Variants in GARNL3 observed in about 807,000 individuals in gnomAD.
GARNL3 encodes GTPase activating Rap/RanGAP domain like 3.
A neutral mutation model predicts 125.0 loss-of-function variants in GARNL3; 63 were observed. The observed-to-expected ratio is 0.50, with a 90% CI of 0.41 to 0.62. The LOEUF (loss-of-function observed/expected upper bound fraction) is 0.62, where lower values mean the gene tolerates loss of function less well. GARNL3 is among the 20% of genes least tolerant of loss of function. GARNL3 has a pLI of 0.00. For synonymous variants in GARNL3, 439 were observed against 457.5 expected (o/e 0.96, Z 0.52); for missense variants, 994 against 1,244.0 (o/e 0.80, Z 3.02).
At chr9:127,368,396 T>C (rs1052265887) in intron 22 of GARNL3, among the ~76,000 whole-genome samples, 1 of 149,936 alleles carries the variant, frequency 6.7e-6, no homozygotes, top group African/African-American at 2.4e-5. Flanking sequence ...AGTGGCACAA[T>C]CTCGGCTCAC....
chr9:127,360,491 C>T (rs1830934896), intron 21 of GARNL3, among the ~76,000 whole-genome samples: 1 of 152,136 alleles, frequency 6.6e-6, no homozygotes, highest in Non-Finnish European at 1.5e-5. Flanking sequence ...ACTCATCTTT[C>T]AAGGAGGGTA....
At chr9:127,227,690 G>A (rs191057287) in intron 1 of GARNL3, among the ~76,000 whole-genome samples, 3 of 152,222 alleles carry the variant, frequency 2.0e-5, no homozygotes, top group South Asian at 2.1e-4. Context: ...GCTGAGGCAC[G>A]GGGACCGCTT....
chr9:127,233,619 G>C (rs1434884213), intron 1 of GARNL3, among the ~76,000 whole-genome samples: 1 of 152,172 alleles, frequency 6.6e-6, no homozygotes, highest in Non-Finnish European at 1.5e-5. Context: ...TAGCCATTGT[G>C]GGTGCAGAGC....
At chr9:127,311,563 C>A in intron 2 of GARNL3, 73 bp from the exon 3 acceptor site, 1 of 1,014,368 alleles carries the variant, frequency 9.9e-7, no homozygotes, top group Non-Finnish European at 1.6e-6. Context: ...GTTCTTTGGC[C>A]GCTGGTTCAT....
At chr9:127,369,659 G>A (rs1368057628) in intron 22 of GARNL3, among the ~76,000 whole-genome samples, 1 of 152,222 alleles carries the variant, frequency 6.6e-6, no homozygotes, top group Non-Finnish European at 1.5e-5. Context: ...CTGGAAAGCA[G>A]GGGGAGCACT....
chr9:127,393,168 GCAGA>G lies in GARNL3; in HGVS notation c.2961_2964del (p.Asp987GlufsTer23), dbSNP rs757456405. ...AGCCAGCTCTGACCAGGACCCTGTG[GCAGA>G]CAGAGAGGGCAGCCCGGTCTCCGGC... On this transcript the variant is annotated frameshift_variant, in exon 28 of 28. Coordinates refer to ENST00000373387, the MANE Select transcript of GARNL3 (RefSeq NM_032293.5). LOFTEE classifies it high-confidence loss of function. 8 of 1,614,006 alleles carry G rather than the reference GCAGA, an allele frequency of 5.0e-6. No individual in the cohort carries two copies. Among genetic ancestry groups the G allele is most frequent in the Non-Finnish European group, 6.8e-6 (8 of 1,179,820 alleles).
intron 27 of GARNL3, 147 bp downstream of exon 27, chr9:127,390,914 C>T (rs1832787640): frequency 6.6e-6 from 5 of 757,912 alleles, no homozygotes; most frequent in South Asian, 3.6e-5. Flanking sequence ...CTCTGAGGGT[C>T]CCCAGACCCT....
intron 11 of GARNL3, among the ~76,000 whole-genome samples, chr9:127,337,031 G>A (rs1173322096): frequency 6.6e-6 from 1 of 152,230 alleles, no homozygotes; most frequent in African/African-American, 2.4e-5. Context: ...ATGGCATCTG[G>A]AGACTTGGAC....
intron 17 of GARNL3, 116 bp downstream of exon 17, chr9:127,349,151 T>C (rs1437454779): frequency 1.4e-5 from 10 of 727,510 alleles, no homozygotes; most frequent in Non-Finnish European, 9.7e-6. Context: ...GCAGAGAGTT[T>C]AGCGAAGTTT....
chr9:127,250,938 T>C (rs1254026834), intron 2 of GARNL3, among the ~76,000 whole-genome samples: 4 of 152,126 alleles, frequency 2.6e-5, no homozygotes, highest in Admixed American at 2.6e-4. Flanking sequence ...CTAAAAGTAA[T>C]CATTTTTCCT....
intron 20 of GARNL3, 100 bp from the exon 21 acceptor site, chr9:127,357,119 G>A (rs962464822): frequency 1.7e-6 from 2 of 1,194,374 alleles, no homozygotes; most frequent in Non-Finnish European, 2.4e-6. Flanking sequence ...AGCCTGGAGA[G>A]GGTGCCTTCT....
chr9:127,357,547 A>G (rs1830753913), intron 21 of GARNL3, among the ~76,000 whole-genome samples, 170 bp downstream of exon 21: 1 of 152,238 alleles, frequency 6.6e-6, no homozygotes, highest in South Asian at 2.1e-4. Context: ...TACCATTTTT[A>G]TAGGTCAGAA....
chr9:127,364,996 T>C lies in GARNL3; in HGVS notation c.2095-304T>C, dbSNP rs1831205441. 6.1e-6 allele frequency: 2 copies of C among 330,156 alleles called. No homozygotes were observed. Among genetic ancestry groups the C allele is most frequent in the African/African-American group, 2.1e-5 (1 of 46,894 alleles). The allele number at this position is 330,156 out of a possible 1,614,324, so 20.5% of individuals were successfully genotyped here. On this transcript the variant is annotated intron_variant, in intron 21 of 27. Transcript: ENST00000373387. The surrounding 1 kb of genome is among the most constrained non-coding windows in gnomAD (Gnocchi z 4.2). ...GGCATATAAACCTGAGGCATTTCAA[T>C]AGAGAGAGGAGACATACCAAACACA...
chr9:127,358,889 A>G (rs1406163743), intron 21 of GARNL3, among the ~76,000 whole-genome samples: 1 of 152,154 alleles, frequency 6.6e-6, no homozygotes, highest in Non-Finnish European at 1.5e-5. Flanking sequence ...ATTGCTTTGC[A>G]ACCCTGGCTG....
At chr9:127,238,562 C>T (rs2063150806) in intron 1 of GARNL3, among the ~76,000 whole-genome samples, 1 of 152,204 alleles carries the variant, frequency 6.6e-6, no homozygotes, top group Admixed American at 6.5e-5. Flanking sequence ...AAAACACTTT[C>T]CATAGGAGAA....
At chr9:127,306,412 G>A (rs930305319) in intron 2 of GARNL3, among the ~76,000 whole-genome samples, 5 of 151,936 alleles carry the variant, frequency 3.3e-5, no homozygotes, top group East Asian at 1.9e-4. Context: ...ACGAAACCCC[G>A]TCTGTACTAA....
chr9:127,250,585 G>A (rs955434516), intron 2 of GARNL3, among the ~76,000 whole-genome samples: 1 of 152,204 alleles, frequency 6.6e-6, no homozygotes, highest in African/African-American at 2.4e-5. Context: ...TCAGTATTTT[G>A]AAGTCTGAGT....
intron 6 of GARNL3, 77 bp from the exon 7 acceptor site, chr9:127,324,992 G>C: frequency 7.1e-7 from 1 of 1,413,458 alleles, no homozygotes; most frequent in Non-Finnish European, 1.0e-6. Flanking sequence ...GCAAACCAAA[G>C]CTTGGCTTTC....
intron 1 of GARNL3, among the ~76,000 whole-genome samples, chr9:127,237,357 T>A (rs139722007): frequency 2.0e-5 from 3 of 152,344 alleles, no homozygotes; most frequent in Non-Finnish European, 4.4e-5. Context: ...ACCAGAACAA[T>A]GCTTATATCC....
Sources: allele counts gnomAD v4.1 joint callset (sites outside exome capture counted in the v4.1 genomes callset), GRCh38; gene constraint gnomAD v4.1.1; non-coding constraint Gnocchi (gnomAD v3.1); transcripts MANE v1.5; gene names NCBI Gene and HGNC (gene_info 2026-07-23, HGNC 2026-07-21).